GHR: variants seen among roughly 807,000 people sequenced by gnomAD.
The protein encoded by GHR is GH receptor.
GHR carries 35 observed loss-of-function variants against 67.1 expected under a neutral mutation model. That is an observed-to-expected ratio of 0.52 (90% CI 0.40 to 0.69). The LOEUF is 0.69. Among genes scored for constraint, GHR ranks in the 30% least tolerant of loss-of-function variants. The pLI, the probability that GHR is intolerant of heterozygous loss-of-function variation, is 0.00. For missense variants in GHR, 792 were observed against 764.6 expected, an observed-to-expected ratio of 1.04 and a Z score of -0.42; for synonymous variants, 272 against 269.1, an observed-to-expected ratio of 1.01 and a Z score of -0.10.
intron 2 of GHR, among the ~76,000 whole-genome samples, chr5:42,616,023 C>G (rs1753130052): frequency 6.6e-6 from 1 of 151,714 alleles, no homozygotes; most frequent in Non-Finnish European, 1.5e-5. Flanking sequence ...ACTTGGGTCA[C>G]GTTTTTCTGT....
At chr5:42,572,139 A>G (rs1469080617) in intron 2 of GHR, among the ~76,000 whole-genome samples, 1 of 152,166 alleles carries the variant, frequency 6.6e-6, no homozygotes. Context: ...TTTATTACTG[A>G]GAGTTGGTTC....
intron 8 of GHR, among the ~76,000 whole-genome samples, chr5:42,717,136 C>G (rs547521218): frequency 2.0e-5 from 3 of 152,128 alleles, no homozygotes; most frequent in Admixed American, 2.0e-4. Context: ...TAGAGCAAGA[C>G]TCCATTACAA....
At chr5:42,701,095 G>A (rs552213912) in intron 6 of GHR, among the ~76,000 whole-genome samples, 85 of 152,268 alleles carry the variant, frequency 5.6e-4, no homozygotes, top group African/African-American at 2.0e-3. Flanking sequence ...ACAGACCCTT[G>A]AGGGTCCCTG....
chr5:42,539,962 T>C (rs1320772873), intron 1 of GHR, among the ~76,000 whole-genome samples: 1 of 152,226 alleles, frequency 6.6e-6, no homozygotes, highest in Non-Finnish European at 1.5e-5. Context: ...GGCTGACTTA[T>C]TTTTGTCAGG....
chr5:42,555,071 T>C (rs1053445755), intron 1 of GHR, among the ~76,000 whole-genome samples: 4 of 152,174 alleles, frequency 2.6e-5, no homozygotes, highest in Non-Finnish European at 5.9e-5. Context: ...GACATGATAT[T>C]GATCTGCCCT....
At chr5:42,598,105 G>A (rs189882732) in intron 2 of GHR, among the ~76,000 whole-genome samples, 163 of 152,244 alleles carry the variant, frequency 1.1e-3, no homozygotes, top group Middle Eastern at 3.4e-3. Context: ...GAGGTGGAAG[G>A]GGAAAGATGA....
At chr5:42,651,898 T>C (rs1341244982) in intron 3 of GHR, among the ~76,000 whole-genome samples, 2 of 152,184 alleles carry the variant, frequency 1.3e-5, no homozygotes, top group African/African-American at 2.4e-5. Flanking sequence ...TTAAATTCTA[T>C]AAATGAACTA....
intron 2 of GHR, among the ~76,000 whole-genome samples, chr5:42,567,636 C>A (rs1750018020): frequency 6.6e-6 from 1 of 151,268 alleles, no homozygotes; most frequent in Admixed American, 6.6e-5. Context: ...ACCAATATTT[C>A]TTTTTCCTTT....
At chr5:42,539,888 A>C (rs935725662) in intron 1 of GHR, among the ~76,000 whole-genome samples, 1 of 152,138 alleles carries the variant, frequency 6.6e-6, no homozygotes, top group Non-Finnish European at 1.5e-5. Context: ...AATGCTTCAA[A>C]ATTTCACTGT....
chr5:42,474,253 C>CAGAAAGAAAGAAAGAA lies in GHR; in HGVS notation c.-12+50301_-12+50302insAAGAAAGAAAGAAAGA, dbSNP rs756789779. Among the ~76,000 whole-genome samples the CAGAAAGAAAGAAAGAA allele has an allele frequency of 9.5e-3, 483 of 50,696 alleles. 1 individual carries two copies. Among genetic ancestry groups the CAGAAAGAAAGAAAGAA allele is most frequent in the Middle Eastern group, 0.023 (2 of 86 alleles). 33.3% of individuals were successfully genotyped at this position (50,696 alleles called of 152,430 possible). A position where few individuals can be genotyped will look rare whatever the true frequency, so the allele number is the denominator to read the frequency against. On this transcript the variant is annotated intron_variant, in intron 1 of 9. Coordinates refer to ENST00000230882, the MANE Select transcript of GHR (RefSeq NM_000163.5). Reference sequence around the variant, plus strand: ...AAAAAGAAAGAAAGAGAGAGAAAGACAGACAGAAAGAAAGAAAGAAAGAAA... The same window carrying CAGAAAGAAAGAAAGAA: ...AAAAAGAAAGAAAGAGAGAGAAAGACAGAAAGAAAGAAAGAAAGACAGAAAGAAAGAAAGAAAGAAA...
At chr5:42,542,219 G>A (rs1319399248) in intron 1 of GHR, among the ~76,000 whole-genome samples, 1 of 152,166 alleles carries the variant, frequency 6.6e-6, no homozygotes, top group Non-Finnish European at 1.5e-5. Context: ...AATCAATGGA[G>A]AAGGGTGTTC....
chr5:42,591,960 G>A (rs989028435), intron 2 of GHR, among the ~76,000 whole-genome samples: 3 of 152,018 alleles, frequency 2.0e-5, no homozygotes, highest in Admixed American at 6.6e-5. Flanking sequence ...TAACAGCACC[G>A]AGTCTATTTC....
chr5:42,639,301 A>G (rs1285219974), intron 3 of GHR, among the ~76,000 whole-genome samples: 1 of 152,186 alleles, frequency 6.6e-6, no homozygotes, highest in Non-Finnish European at 1.5e-5. Flanking sequence ...AAGACAAAAG[A>G]TTCTCTCTTT....
At chr5:42,605,399 C>G (rs1330818935) in intron 2 of GHR, among the ~76,000 whole-genome samples, 1 of 152,076 alleles carries the variant, frequency 6.6e-6, no homozygotes, top group Non-Finnish European at 1.5e-5. Flanking sequence ...AGCCACCGCG[C>G]CCGGCCTGGG....
intron 1 of GHR, among the ~76,000 whole-genome samples, chr5:42,511,729 C>A (rs1169841218): frequency 6.6e-6 from 1 of 151,882 alleles, no homozygotes; most frequent in African/African-American, 2.4e-5. Flanking sequence ...AGGAGAATGA[C>A]TTTTATCAAA....
intron 2 of GHR, among the ~76,000 whole-genome samples, chr5:42,578,367 T>A (rs1750881744): frequency 6.6e-6 from 1 of 152,208 alleles, no homozygotes; most frequent in Non-Finnish European, 1.5e-5. Context: ...TATAGTTACA[T>A]TACACCTCTT....
At chr5:42,635,190 C>T (rs1330887340) in intron 3 of GHR, among the ~76,000 whole-genome samples, 1 of 152,170 alleles carries the variant, frequency 6.6e-6, no homozygotes, top group East Asian at 1.9e-4. Flanking sequence ...TATGTTGGCT[C>T]TCTCTTGTAC....
chr5:42,648,062 A>C (rs1009066603), intron 3 of GHR, among the ~76,000 whole-genome samples: 1 of 152,200 alleles, frequency 6.6e-6, no homozygotes. Flanking sequence ...CAGCAACAAG[A>C]AACATAAAGA....
chr5:42,463,031 T>G (rs988025260), intron 1 of GHR, among the ~76,000 whole-genome samples: 2 of 152,162 alleles, frequency 1.3e-5, no homozygotes, highest in African/African-American at 4.8e-5. Flanking sequence ...GGAGGTAGAT[T>G]TATTATTTTA....
Sources: gnomAD v4.1 joint callset for allele counts (sites outside exome capture counted in the v4.1 genomes callset) on GRCh38, gnomAD v4.1.1 for gene constraint, MANE v1.5 for transcripts, NCBI Gene and HGNC (gene_info 2026-07-23, HGNC 2026-07-21) for gene names.